SH3PXD2A: variants seen among roughly 807,000 people sequenced by gnomAD.
The protein encoded by SH3PXD2A is SH3 and PX domain-containing protein 2A.
Under a neutral mutation model 115.2 loss-of-function variants are expected in SH3PXD2A, and 32 were observed. That is an observed-to-expected ratio of 0.28 (90% CI 0.21 to 0.37). The LOEUF (loss-of-function observed/expected upper bound fraction) is 0.37, where lower values mean the gene tolerates loss of function less well. Ranked by LOEUF, SH3PXD2A falls within the 10% of genes least tolerant of loss-of-function variation. The pLI is 1.00. For synonymous variants in SH3PXD2A, 610 were observed against 629.1 expected (o/e 0.97, Z 0.45); for missense variants, 1,328 against 1,498.7 (o/e 0.89, Z 1.88).
chr10:103,715,628 C>G (rs1240469698), intron 5 of SH3PXD2A, among the ~76,000 whole-genome samples: 1 of 152,258 alleles, frequency 6.6e-6, no homozygotes, highest in African/African-American at 2.4e-5. Flanking sequence ...GGGTGACTTA[C>G]AGAGAATGGA....
chr10:103,796,817 C>T (rs918463681), intron 2 of SH3PXD2A, among the ~76,000 whole-genome samples: 7 of 150,160 alleles, frequency 4.7e-5, no homozygotes, highest in African/African-American at 4.9e-5. Flanking sequence ...CGACAAATAA[C>T]GTTTTTTAGT....
At chr10:103,734,642 G>A (rs987646274) in intron 4 of SH3PXD2A, among the ~76,000 whole-genome samples, 2 of 152,156 alleles carry the variant, frequency 1.3e-5, no homozygotes, top group East Asian at 1.9e-4. Context: ...CCAGTTACTC[G>A]GAAGGCTGAG....
chr10:103,768,704 A>G (rs2038784896), intron 2 of SH3PXD2A, among the ~76,000 whole-genome samples: 1 of 152,210 alleles, frequency 6.6e-6, no homozygotes, highest in Non-Finnish European at 1.5e-5. Flanking sequence ...ACTGAAGGTG[A>G]CTTGGACCAA....
chr10:103,775,259 A>G (rs1490857295), intron 2 of SH3PXD2A, among the ~76,000 whole-genome samples: 4 of 152,206 alleles, frequency 2.6e-5, no homozygotes, highest in Non-Finnish European at 5.9e-5. Flanking sequence ...GCAAGCCTTC[A>G]CTACTTCAAG....
At chr10:103,833,542 TAG>T (rs1222101017) in intron 1 of SH3PXD2A, among the ~76,000 whole-genome samples, 3 of 152,178 alleles carry the variant, frequency 2.0e-5, no homozygotes, top group Non-Finnish European at 2.9e-5. Context: ...GCGAAAAAGT[TAG>T]AGACAGTCTA....
At chr10:103,644,572 T>G in intron 8 of SH3PXD2A, among the ~76,000 whole-genome samples, 4 of 121,060 alleles carry the variant, frequency 3.3e-5, no homozygotes, top group Non-Finnish European at 4.9e-5. Flanking sequence ...GGCGACAGAG[T>G]GAGACCAAGT....
intron 4 of SH3PXD2A, among the ~76,000 whole-genome samples, chr10:103,725,222 T>G (rs2038226290): frequency 6.6e-6 from 1 of 152,064 alleles, no homozygotes; most frequent in African/African-American, 2.4e-5. Context: ...TGAAGGCCAG[T>G]GCGGCCTGAG....
intron 5 of SH3PXD2A, among the ~76,000 whole-genome samples, chr10:103,719,286 G>A (rs1351527384): frequency 1.3e-5 from 2 of 152,262 alleles, no homozygotes; most frequent in Admixed American, 6.5e-5. Flanking sequence ...CGTAGTGGGT[G>A]TGAGCTGAGT....
chr10:103,767,813 T>TTG (rs1554921210), intron 2 of SH3PXD2A, among the ~76,000 whole-genome samples: 1 of 100,942 alleles, frequency 9.9e-6, no homozygotes, highest in African/African-American at 5.0e-5. Context: ...CTGTTTTGTT[T>TTG]TTTTTTTTTT....
At chr10:103,836,851 G>A (rs898371226) in intron 1 of SH3PXD2A, among the ~76,000 whole-genome samples, 1 of 152,174 alleles carries the variant, frequency 6.6e-6, no homozygotes, top group Non-Finnish European at 1.5e-5. Flanking sequence ...ATTTTACAGA[G>A]GGAATTTTAC....
chr10:103,603,109 G>A lies in SH3PXD2A; in HGVS notation c.2109C>T (p.Ser703=). The A allele has an allele frequency of 6.2e-7, 1 of 1,612,808 alleles. No individual in the cohort carries two copies. Among genetic ancestry groups the A allele is most frequent in the Non-Finnish European group, 8.5e-7 (1 of 1,179,886 alleles). ...ACAAGGAAGAGGAGGAGGAGGAAGA[G>A]GAGGAGCAGCAAGTGGTGTTGATGG... ...SITINTTCCS[S]SSSSSSSLSK... is the part of the protein sequence containing the mutation. Residue 703 remains serine, a synonymous_variant, in exon 15 of 15, where the codon TCC becomes TCT. Coordinates refer to ENST00000369774, the MANE Select transcript of SH3PXD2A (RefSeq NM_001394015.1).
rs144666423 is a variant in SH3PXD2A, at chr10:103,746,413, G to A, written c.230-10605C>T. 6.9e-4 allele frequency among the ~76,000 whole-genome samples: 105 copies of A among 152,166 alleles called. No homozygotes were observed. Among genetic ancestry groups the A allele is most frequent in the Non-Finnish European group, 1.2e-3 (84 of 68,000 alleles). On this transcript the variant is annotated intron_variant, in intron 3 of 14. Transcript: ENST00000369774. The surrounding 1 kb of genome is among the most constrained non-coding windows in gnomAD (Gnocchi z 4.4). ...CGGCTCACTGCAATCTCTGCCTCCC[G>A]GGTTCAAGTGATTCTCCCACTTCAG...
At chr10:103,837,982 C>T (rs1245956935) in intron 1 of SH3PXD2A, among the ~76,000 whole-genome samples, 1 of 152,032 alleles carries the variant, frequency 6.6e-6, no homozygotes, top group Admixed American at 6.5e-5. Context: ...AAGTGACTAC[C>T]GGATGCCTCA....
chr10:103,756,594 G>A lies in SH3PXD2A; in HGVS notation c.229+10500C>T, dbSNP rs781219630. Among the ~76,000 whole-genome samples the A allele has an allele frequency of 1.3e-5, 2 of 152,136 alleles. No individual in the cohort carries two copies. The highest frequency in any genetic ancestry group is 3.9e-4 in the East Asian group (2 of 5,176). ...TGCTCCAAAGGCTTCGGCCACCTCAGGGAGGAGGGAGGAAGTCCTTTCCCT... is the reference window on the plus strand; with the variant it reads ...TGCTCCAAAGGCTTCGGCCACCTCAAGGAGGAGGGAGGAAGTCCTTTCCCT... On this transcript the variant is annotated intron_variant, in intron 3 of 14. Coordinates refer to ENST00000369774, the MANE Select transcript of SH3PXD2A (RefSeq NM_001394015.1). This position sits in a 1 kb window ranked among gnomAD's most constrained non-coding sequence, Gnocchi z 4.4.
At chr10:103,705,771 A>C (rs1364571563) in intron 5 of SH3PXD2A, among the ~76,000 whole-genome samples, 2 of 152,262 alleles carry the variant, frequency 1.3e-5, no homozygotes, top group Non-Finnish European at 2.9e-5. Flanking sequence ...AAACGAAGGC[A>C]AAGACTCAGG....
intron 5 of SH3PXD2A, among the ~76,000 whole-genome samples, chr10:103,703,516 T>G (rs1406505463): frequency 6.6e-5 from 10 of 152,148 alleles, no homozygotes; most frequent in Non-Finnish European, 8.8e-5. Flanking sequence ...AAGGGGCACC[T>G]CCTCCAGAAA....
intron 1 of SH3PXD2A, among the ~76,000 whole-genome samples, chr10:103,821,194 G>A (rs190769163): frequency 6.9e-6 from 1 of 144,470 alleles, no homozygotes; most frequent in African/African-American, 2.6e-5. Context: ...CCAGGCTGGA[G>A]TGCAGTGGTG....
chr10:103,811,890 A>C (rs374362105), intron 1 of SH3PXD2A, among the ~76,000 whole-genome samples: 2 of 152,246 alleles, frequency 1.3e-5, no homozygotes, highest in Non-Finnish European at 2.9e-5. Context: ...CCTGCCTCAC[A>C]GTGAAGATTA....
chr10:103,664,977 G>C (rs1340884773), intron 7 of SH3PXD2A, among the ~76,000 whole-genome samples: 1 of 152,174 alleles, frequency 6.6e-6, no homozygotes, highest in Non-Finnish European at 1.5e-5. Context: ...CTGGCCTAGA[G>C]TATGGGTTTC....
Sources: allele counts gnomAD v4.1 joint callset (sites outside exome capture counted in the v4.1 genomes callset), GRCh38; gene constraint gnomAD v4.1.1; non-coding constraint Gnocchi (gnomAD v3.1); transcripts MANE v1.5; gene names NCBI Gene and HGNC (gene_info 2026-07-23, HGNC 2026-07-21).